The following IST1 variants were observed in gnomAD, a reference collection of about 807,000 sequenced individuals.
IST1 encodes IST1 homolog.
IST1 carries 23 observed loss-of-function variants against 37.0 expected under a neutral mutation model. The ratio of observed to expected loss-of-function variants is 0.62; its 90% CI spans 0.45 to 0.88. The LOEUF is 0.88. Ranked by LOEUF, IST1 falls within the 40% of genes least tolerant of loss-of-function variation. IST1 has a pLI of 0.00. For missense variants in IST1, 488 were observed against 445.4 expected, an observed-to-expected ratio of 1.10 and a Z score of -0.86; for synonymous variants, 180 against 161.7, an observed-to-expected ratio of 1.11 and a Z score of -0.86.
rs2037882674 is a variant in IST1, at chr16:71,930,136, A to G, written c.*2323A>G. 2 of 1,551,576 alleles carry G rather than the reference A, an allele frequency of 1.3e-6. No individual in the cohort carries two copies. The highest frequency in any genetic ancestry group is 2.0e-5 in the Admixed American group (1 of 50,970). On this transcript the variant is annotated 3_prime_UTR_variant, in exon 10 of 10. Transcript: ENST00000378799. ...TTACCACAAGTACCATCAAGATGAC[A>G]CTGGTGAGGATCAGAAAGGTGCCCA...
In IST1 at chr16:71,928,045, C is replaced by T; in HGVS notation, c.*232C>T. On this transcript the variant is annotated 3_prime_UTR_variant, in exon 10 of 10. Transcript: ENST00000378799. The stretch of plus-strand genomic sequence containing the variant: ...GAGCAACTGGCTCCTGGCAGCTGTG[C>T]TTGTCCGTTTCCTGTCAGAGTGATC... 1 of 499,464 alleles carries T rather than the reference C, an allele frequency of 2.0e-6. No individual in the cohort carries two copies. Among genetic ancestry groups the T allele is most frequent in the Non-Finnish European group, 3.6e-6 (1 of 274,796 alleles). The allele number at this position is 499,464 out of a possible 1,614,324, so 30.9% of individuals were successfully genotyped here. A position where few individuals can be genotyped will look rare whatever the true frequency, so the allele number is the denominator to read the frequency against.
intron 4 of IST1, among the ~76,000 whole-genome samples, chr16:71,920,243 C>T (rs142781189): frequency 6.6e-6 from 1 of 152,338 alleles, no homozygotes; most frequent in East Asian, 1.9e-4. Context: ...CCTGTGAGCA[C>T]ATCTAGCACA....
At chr16:71,899,734 GGGCGAACAGCCGGGCATGGT>G (rs1304311845) in intron 1 of IST1, among the ~76,000 whole-genome samples, 2 of 149,132 alleles carry the variant, frequency 1.3e-5, no homozygotes, top group African/African-American at 4.9e-5. Flanking sequence ...AAAATTAGCT[GGGCGAACAGCCGGGCATGGT>G]GGCTAACGCC....
intron 1 of IST1, among the ~76,000 whole-genome samples, chr16:71,915,300 C>T (rs542804536): frequency 6.6e-6 from 1 of 152,248 alleles, no homozygotes. Context: ...TCATCTGTCA[C>T]CAAATTCTTT....
rs1170781447 is a variant in IST1, at chr16:71,929,581, G to T, written c.*1768G>T. 4 of 1,551,668 alleles carry T rather than the reference G, an allele frequency of 2.6e-6. No homozygotes were observed. In the African/African-American group the frequency reaches 4.1e-5, roughly 16 times the overall value. On this transcript the variant is annotated 3_prime_UTR_variant, in exon 10 of 10. Coordinates refer to ENST00000378799, the MANE Select transcript of IST1 (RefSeq NM_001270975.2). ...AACTTCAGTGTCACTGCCCACTGCT[G>T]TCGTGGCTGCTTGCTCAGATGAGGT...
Position 71,916,505 on chromosome 16 carries a change from G to A in IST1, c.132G>A (p.Leu44=), listed in dbSNP as rs144635560. The A allele has an allele frequency of 5.4e-5, 87 of 1,613,330 alleles. No individual in the cohort carries two copies. In the African/African-American group the frequency reaches 7.9e-4, roughly 15 times the overall value. ...CAAGGAAGGAGATTGCTGACTATCT[G>A]GCTGCTGGGAAAGATGAACGAGCTC... is the stretch of plus-strand genomic sequence containing the variant. ...QKARKEIADY[L]AAGKDERARI... Residue 44 remains leucine (L), a synonymous_variant, in exon 3 of 10, where the codon CTG becomes CTA. Coordinates refer to ENST00000378799, the MANE Select transcript of IST1 (RefSeq NM_001270975.2).
intron 9 of IST1, among the ~76,000 whole-genome samples, chr16:71,926,970 C>T (rs2037759235): frequency 6.6e-6 from 1 of 152,046 alleles, no homozygotes; most frequent in Non-Finnish European, 1.5e-5. Flanking sequence ...AATGTTGGTT[C>T]TTAAGGAAGC....
rs1036008074 is a variant in IST1 at position 71,922,484 on chromosome 16, C to G, written c.563C>G (p.Pro188Arg). 3 of 1,613,938 alleles carry G rather than the reference C, an allele frequency of 1.9e-6. No individual in the cohort carries two copies. Among genetic ancestry groups the G allele is most frequent in the African/African-American group, 2.7e-5 (2 of 74,920 alleles). The change falls in exon 7 of 10, where the codon CCT (proline) becomes CGT (arginine). Residue 188 changes from proline to arginine, a missense_variant. Around this residue, in one of 2 missense-constraint regions of IST1, gnomAD observed 455 missense variants for 386.2 expected, o/e 1.18. Coordinates refer to ENST00000378799, the MANE Select transcript of IST1 (RefSeq NM_001270975.2). ...CTCTTTTTTTCTCAGGCAGAAGCTC[C>G]TCCTGGGGTAGAGACAGATCTTATT... The part of the protein sequence containing the change: ...EPDSVVMAEA[P>R]PGVETDLIDV...
intron 1 of IST1, among the ~76,000 whole-genome samples, chr16:71,905,941 A>G (rs768263811): frequency 3.3e-5 from 5 of 151,266 alleles, no homozygotes; most frequent in African/African-American, 1.2e-4. Flanking sequence ...TTGCTTTATA[A>G]TGTTCTGGGT....
chr16:71,908,551 G>A (rs1354975727), intron 1 of IST1, among the ~76,000 whole-genome samples: 2 of 152,120 alleles, frequency 1.3e-5, no homozygotes, highest in East Asian at 3.9e-4. Context: ...ACAGTGTTGG[G>A]ATTACAGGTG....
chr16:71,904,658 A>G (rs549373205), intron 1 of IST1, among the ~76,000 whole-genome samples: 52 of 151,984 alleles, frequency 3.4e-4, no homozygotes, highest in Non-Finnish European at 7.1e-4. Flanking sequence ...ATCCTCCCAC[A>G]TCAGCCTCCC....
intron 1 of IST1, among the ~76,000 whole-genome samples, chr16:71,906,550 G>A (rs1177613493): frequency 6.6e-6 from 1 of 151,610 alleles, no homozygotes; most frequent in Non-Finnish European, 1.5e-5. Context: ...CCTGACCCCA[G>A]GTGATCCCAC....
intron 1 of IST1, among the ~76,000 whole-genome samples, chr16:71,910,696 C>T (rs929915146): frequency 1.3e-5 from 2 of 151,910 alleles, no homozygotes; most frequent in Admixed American, 6.6e-5. Context: ...GGTCTTGAAA[C>T]GTAACCCTTG....
At chr16:71,908,991 CT>C (rs2037290794) in intron 1 of IST1, among the ~76,000 whole-genome samples, 1 of 151,344 alleles carries the variant, frequency 6.6e-6, no homozygotes, top group Non-Finnish European at 1.5e-5. Flanking sequence ...TTCCTTACAT[CT>C]TTTGTTTCTA....
intron 1 of IST1, among the ~76,000 whole-genome samples, chr16:71,910,483 G>C (rs1472520997): frequency 6.6e-6 from 1 of 151,858 alleles, no homozygotes; most frequent in Admixed American, 6.6e-5. Flanking sequence ...GCGGGCGCCC[G>C]TAGTCCCAGC....
At chr16:71,911,703 A>T (rs1271745102) in intron 1 of IST1, among the ~76,000 whole-genome samples, 1 of 145,108 alleles carries the variant, frequency 6.9e-6, no homozygotes, top group Non-Finnish European at 1.5e-5. Flanking sequence ...TAGACATTTA[A>T]ACTTCGATTT....
At chr16:71,909,194 A>G (rs558942480) in intron 1 of IST1, among the ~76,000 whole-genome samples, 1 of 137,738 alleles carries the variant, frequency 7.3e-6, no homozygotes, top group South Asian at 2.2e-4. Flanking sequence ...CCTTGACTTG[A>G]CCTCCTGGGT....
In IST1 at chr16:71,929,990, C is replaced by A; in HGVS notation, c.*2177C>A. 2 of 1,474,422 alleles carry A rather than the reference C, an allele frequency of 1.4e-6. No homozygotes were observed. Among genetic ancestry groups the A allele is most frequent in the South Asian group, 2.6e-5 (2 of 75,836 alleles). The allele number at this position is 1,474,422 out of a possible 1,614,324, so 91.3% of individuals were successfully genotyped here. A position where few individuals can be genotyped will look rare whatever the true frequency, so the allele number is the denominator to read the frequency against. The stretch of plus-strand genomic sequence containing the variant: ...TTATGTCAGCCCGTCATCTTAGGGG[C>A]AGTTACAGTGGAGCTTTCCCAGTGA... On this transcript the variant is annotated 3_prime_UTR_variant, in exon 10 of 10. Coordinates refer to ENST00000378799, the MANE Select transcript of IST1 (RefSeq NM_001270975.2).
Position 71,927,621 on chromosome 16 carries a change from A to T in IST1, c.909A>T (p.Gly303=), listed in dbSNP as rs563504939. Residue 303 remains glycine (G), a synonymous_variant, in exon 10 of 10, where the codon GGA becomes GGT. Transcript: ENST00000378799. ...NISSAQIVGP[G]PKPEASAKLP... ...GCTCCTTGCCCTAATTAGGTCCTGG[A>T]CCCAAGCCAGAAGCCTCTGCAAAGC... The T allele has an allele frequency of 6.2e-7, 1 of 1,613,486 alleles. No individual in the cohort carries two copies. Among genetic ancestry groups the T allele is most frequent in the East Asian group, 2.2e-5 (1 of 44,876 alleles).
Sources: gnomAD v4.1 joint callset for allele counts (sites outside exome capture counted in the v4.1 genomes callset) on GRCh38, gnomAD v4.1.1 for gene constraint, gnomAD v4.1.1 regional missense constraint, MANE v1.5 for transcripts, NCBI Gene and HGNC (gene_info 2026-07-23, HGNC 2026-07-21) for gene names.